The following PAFAH1B1 variants were observed in gnomAD, a reference collection of about 807,000 sequenced individuals.
PAFAH1B1 encodes the protein platelet-activating factor acetylhydrolase IB subunit beta.
PAFAH1B1 carries 2 observed loss-of-function variants against 57.5 expected under a neutral mutation model. The observed-to-expected ratio is 0.03, with a 90% CI of 0.01 to 0.11. The LOEUF (loss-of-function observed/expected upper bound fraction) is 0.11, where lower values mean the gene tolerates loss of function less well. PAFAH1B1 is among the 10% of genes least tolerant of loss of function. The pLI is 1.00. For missense variants in PAFAH1B1, 257 were observed against 512.0 expected (o/e 0.50, Z 4.81); for synonymous variants, 152 against 169.6 (o/e 0.90, Z 0.81).
chr17:2,682,816 T>G lies in PAFAH1B1; in HGVS notation c.*1014T>G, dbSNP rs1177085584. On this transcript the variant is annotated 3_prime_UTR_variant, in exon 11 of 11. Transcript: ENST00000397195. ...GAATCTGATATTGATTTAAACTGTG[T>G]TTCACTTACAAGTTTTAAAAAAATG... is the stretch of plus-strand genomic sequence containing the variant. 6.6e-6 allele frequency: 1 copy of G among 152,654 alleles called. No homozygotes were observed. Among genetic ancestry groups the G allele is most frequent in the East Asian group, 1.9e-4 (1 of 5,202 alleles). 9.5% of individuals were successfully genotyped at this position (152,654 alleles called of 1,614,324 possible).
chr17:2,671,933 T>A (rs900127128), intron 6 of PAFAH1B1, among the ~76,000 whole-genome samples: 5 of 151,456 alleles, frequency 3.3e-5, no homozygotes, highest in African/African-American at 9.7e-5. Context: ...CAATTCCCCA[T>A]TTTTTGTATC....
intron 1 of PAFAH1B1, among the ~76,000 whole-genome samples, chr17:2,619,929 C>G (rs2068397167): frequency 6.6e-6 from 1 of 152,072 alleles, no homozygotes; most frequent in South Asian, 2.1e-4. Context: ...CAGGCATGCA[C>G]CACTATGCTT....
chr17:2,603,600 A>G (rs1337750418), intron 1 of PAFAH1B1, among the ~76,000 whole-genome samples: 1 of 152,140 alleles, frequency 6.6e-6, no homozygotes, highest in East Asian at 1.9e-4. Flanking sequence ...CAGCCTGGGC[A>G]AAAAGAGCAA....
intron 2 of PAFAH1B1, among the ~76,000 whole-genome samples, chr17:2,650,483 G>A (rs1349364039): frequency 1.3e-5 from 2 of 150,346 alleles, no homozygotes; most frequent in African/African-American, 4.9e-5. Context: ...CTGCACTCCA[G>A]CCTGGGTGAC....
upstream of PAFAH1B1, among the ~76,000 whole-genome samples, chr17:2,593,550 C>T (rs1039857688): frequency 2.0e-5 from 3 of 150,610 alleles, no homozygotes; most frequent in African/African-American, 4.9e-5. Context: ...GCCCCTCCTC[C>T]GCTCCCGGCG....
intron 1 of PAFAH1B1, chr17:2,613,975 C>T (rs975417173): frequency 2.3e-5 from 4 of 170,284 alleles, no homozygotes; most frequent in Admixed American, 6.4e-5. Flanking sequence ...TCAACAGTAG[C>T]GCAATGAGCG....
chr17:2,684,640 T>C lies in PAFAH1B1; in HGVS notation c.*2838T>C, dbSNP rs2069444731. 6.5e-6 allele frequency: 1 copy of C among 152,696 alleles called. No individual in the cohort carries two copies. The highest frequency in any genetic ancestry group is 1.5e-5 in the Non-Finnish European group (1 of 68,092). The allele number at this position is 152,696 out of a possible 1,614,324, so 9.5% of individuals were successfully genotyped here. ...CATGGAGACTGGTTTAGACACCGCGTGGAGCCTAGTTGCCTGTTGTCACGG... is the reference window on the plus strand; with the variant it reads ...CATGGAGACTGGTTTAGACACCGCGCGGAGCCTAGTTGCCTGTTGTCACGG... On this transcript the variant is annotated 3_prime_UTR_variant, in exon 11 of 11. Coordinates refer to ENST00000397195, the MANE Select transcript of PAFAH1B1 (RefSeq NM_000430.4).
At chr17:2,602,759 G>A (rs1433129007) in intron 1 of PAFAH1B1, among the ~76,000 whole-genome samples, 1 of 152,134 alleles carries the variant, frequency 6.6e-6, no homozygotes, top group Non-Finnish European at 1.5e-5. Flanking sequence ...TATTTACATA[G>A]CACTTACTAA....
At chr17:2,638,508 T>G (rs1318985175) in intron 2 of PAFAH1B1, 188 bp downstream of exon 2, 1 of 555,302 alleles carries the variant, frequency 1.8e-6, no homozygotes, top group Non-Finnish European at 3.2e-6. Context: ...TTTTTAAAAT[T>G]TATTTATTCT....
chr17:2,614,627 T>A (rs1344139795), intron 1 of PAFAH1B1, among the ~76,000 whole-genome samples: 1 of 151,858 alleles, frequency 6.6e-6, no homozygotes, highest in Non-Finnish European at 1.5e-5. Context: ...TAGGCGGGAG[T>A]GCAGTGGTGT....
At chr17:2,593,593 C>A (rs1344011435), upstream of PAFAH1B1, among the ~76,000 whole-genome samples, 1 of 149,394 alleles carries the variant, frequency 6.7e-6, no homozygotes, top group African/African-American at 2.5e-5. Flanking sequence ...GGGTCTGGGG[C>A]GGCGGCGGCG....
intron 2 of PAFAH1B1, among the ~76,000 whole-genome samples, chr17:2,642,891 A>G (rs1367261415): frequency 2.0e-5 from 3 of 152,068 alleles, no homozygotes; most frequent in Non-Finnish European, 4.4e-5. Context: ...TTTTTTTAAT[A>G]TATAAACCAT....
At chr17:2,665,942 T>C in intron 3 of PAFAH1B1, 74 bp from the exon 4 acceptor site, 1 of 1,316,434 alleles carries the variant, frequency 7.6e-7, no homozygotes, top group Non-Finnish European at 1.0e-6. Context: ...TATTTGGACT[T>C]AAAGATGAAT....
At chr17:2,635,030 G>A (rs1005687307) in intron 1 of PAFAH1B1, among the ~76,000 whole-genome samples, 6 of 152,052 alleles carry the variant, frequency 3.9e-5, no homozygotes, top group African/African-American at 1.4e-4. Flanking sequence ...AGGCATGGTC[G>A]TGGGTGCCTG....
intron 2 of PAFAH1B1, among the ~76,000 whole-genome samples, chr17:2,651,948 A>G (rs573871898): frequency 5.9e-5 from 9 of 152,338 alleles, no homozygotes; most frequent in East Asian, 1.9e-4. Context: ...TCAGTCATAC[A>G]GAATAAATTC....
chr17:2,644,794 C>T (rs2068744758), intron 2 of PAFAH1B1, among the ~76,000 whole-genome samples: 1 of 152,050 alleles, frequency 6.6e-6, no homozygotes, highest in African/African-American at 2.4e-5. Context: ...TTTGTATGAA[C>T]TCACTGCAGT....
chr17:2,600,500 G>C (rs1459250475), intron 1 of PAFAH1B1, among the ~76,000 whole-genome samples: 2 of 148,728 alleles, frequency 1.3e-5, no homozygotes, highest in African/African-American at 5.0e-5. Flanking sequence ...AACCCGGGAG[G>C]CGGAGGTTGC....
intron 2 of PAFAH1B1, among the ~76,000 whole-genome samples, chr17:2,664,048 G>A (rs554391314): frequency 4.6e-5 from 7 of 152,208 alleles, no homozygotes; most frequent in Non-Finnish European, 8.8e-5. Flanking sequence ...CCAAAGTGCT[G>A]GGATTACAGA....
rs2068052895 is a variant in PAFAH1B1, at chr17:2,593,916, T to C, written c.-281T>C. On this transcript the variant is annotated 5_prime_UTR_variant, in exon 1 of 11. Transcript: ENST00000397195. Reference sequence around the variant, plus strand: ...CCCCCCTCCTTCCCTCCCTCCCTCCTTCCTCCCTCCCCTCTCCCTCCCCCT... The same window carrying C: ...CCCCCCTCCTTCCCTCCCTCCCTCCCTCCTCCCTCCCCTCTCCCTCCCCCT... 1 of 131,092 alleles carries C rather than the reference T, an allele frequency of 7.6e-6. No homozygotes were observed. Among genetic ancestry groups the C allele is most frequent in the Non-Finnish European group, 1.4e-5 (1 of 68,992 alleles). 8.1% of individuals were successfully genotyped at this position (131,092 alleles called of 1,614,324 possible).
Sources: allele counts gnomAD v4.1 joint callset (sites outside exome capture counted in the v4.1 genomes callset), GRCh38; gene constraint gnomAD v4.1.1; transcripts MANE v1.5; gene names NCBI Gene and HGNC (gene_info 2026-07-23, HGNC 2026-07-21).